The following TRDN variants were observed in gnomAD, a reference collection of about 807,000 sequenced individuals.
The protein encoded by TRDN is triadin in skeletal muscle.
In TRDN, 161 loss-of-function variants were observed where a neutral mutation model predicts 149.7. The observed-to-expected ratio is 1.08, with a 90% CI of 0.95 to 1.23. The LOEUF is 1.23. TRDN is among the 50% of genes most tolerant of loss of function. TRDN has a pLI of 0.00. For synonymous variants in TRDN, 294 were observed against 250.5 expected (o/e 1.17, Z -1.64); for missense variants, 896 against 823.5 (o/e 1.09, Z -1.08).
intron 7 of TRDN, among the ~76,000 whole-genome samples, chr6:123,505,087 T>C (rs1778858115): frequency 6.6e-6 from 1 of 151,404 alleles, no homozygotes; most frequent in South Asian, 2.1e-4. Context: ...CTACTAAAAA[T>C]GCAAAAATTA....
chr6:123,598,312 G>T (rs1031125216), intron 1 of TRDN, among the ~76,000 whole-genome samples: 2 of 151,998 alleles, frequency 1.3e-5, no homozygotes, highest in Non-Finnish European at 2.9e-5. Flanking sequence ...CAATAGACAC[G>T]CTATCGTGAG....
intron 5 of TRDN, among the ~76,000 whole-genome samples, chr6:123,523,640 G>A (rs1184613077): frequency 6.6e-6 from 1 of 152,148 alleles, no homozygotes; most frequent in Non-Finnish European, 1.5e-5. Context: ...ATAGCAGTTG[G>A]AGAAGAGAGA....
intron 20 of TRDN, among the ~76,000 whole-genome samples, chr6:123,358,358 T>A (rs560780958): frequency 2.6e-5 from 4 of 152,270 alleles, no homozygotes; most frequent in Admixed American, 6.5e-5. Flanking sequence ...TATTCTTCCC[T>A]ACAATTTTCC....
chr6:123,595,927 AC>A (rs1370704773), intron 1 of TRDN, among the ~76,000 whole-genome samples: 5 of 152,016 alleles, frequency 3.3e-5, no homozygotes, highest in African/African-American at 4.8e-5. Flanking sequence ...CCAGTTAATA[AC>A]CCTACAATGG....
At chr6:123,436,206 C>T (rs1020963083) in intron 12 of TRDN, among the ~76,000 whole-genome samples, 1 of 152,134 alleles carries the variant, frequency 6.6e-6, no homozygotes, top group Non-Finnish European at 1.5e-5. Context: ...TTTCACAAAT[C>T]CACTGCTCTA....
chr6:123,602,061 G>C (rs1036146375), intron 1 of TRDN, among the ~76,000 whole-genome samples: 2 of 152,018 alleles, frequency 1.3e-5, no homozygotes, highest in Admixed American at 1.3e-4. Context: ...TATATGTCAG[G>C]CACCATTCTA....
chr6:123,585,564 T>G lies in TRDN; in HGVS notation c.23-14432A>C, dbSNP rs568574935. Among the ~76,000 whole-genome samples, 4 of 152,292 alleles carry G rather than the reference T, an allele frequency of 2.6e-5. No homozygotes were observed. In the South Asian group the frequency reaches 8.3e-4, roughly 32 times the overall value. On this transcript the variant is annotated intron_variant, in intron 1 of 40. Coordinates refer to ENST00000334268, the MANE Select transcript of TRDN (RefSeq NM_006073.4). ...TTGGGCAGCGTCAGTCTTCAGCCGCTAAGCCAAGAAGATCTGGGAAGGAGT... is the reference window on the plus strand; with the variant it reads ...TTGGGCAGCGTCAGTCTTCAGCCGCGAAGCCAAGAAGATCTGGGAAGGAGT...
intron 20 of TRDN, among the ~76,000 whole-genome samples, chr6:123,361,208 A>T (rs926629630): frequency 4.6e-5 from 7 of 152,304 alleles, no homozygotes; most frequent in African/African-American, 1.7e-4. Context: ...AGCCATAAAA[A>T]AACGATGAGT....
chr6:123,310,340 C>T (rs9388213), intron 24 of TRDN, among the ~76,000 whole-genome samples: 51,006 of 151,728 alleles, frequency 0.34, 9,331 homozygotes, highest in East Asian at 0.74. Context: ...GCTGTGGTTG[C>T]CCACCATTTC....
At chr6:123,491,606 G>A (rs1778221251) in intron 9 of TRDN, among the ~76,000 whole-genome samples, 1 of 152,066 alleles carries the variant, frequency 6.6e-6, no homozygotes. Flanking sequence ...GGTATACTGA[G>A]ATTAGAATGT....
At chr6:123,437,990 T>C (rs1774666720) in intron 12 of TRDN, 73 bp downstream of exon 12, 1 of 1,292,324 alleles carries the variant, frequency 7.7e-7, no homozygotes, top group Non-Finnish European at 1.1e-6. Flanking sequence ...TTTGTGTATG[T>C]TGCATGAGGA....
chr6:123,570,583 A>T (rs1782520293), intron 2 of TRDN, among the ~76,000 whole-genome samples: 2 of 152,282 alleles, frequency 1.3e-5, no homozygotes, highest in South Asian at 4.1e-4. Flanking sequence ...AAACCTACAA[A>T]TTATTCCTTA....
intron 1 of TRDN, among the ~76,000 whole-genome samples, chr6:123,605,597 CAA>C (rs35881822): frequency 4.7e-4 from 58 of 123,944 alleles, no homozygotes; most frequent in Non-Finnish European, 6.6e-4. Flanking sequence ...ACCCTCTCTA[CAA>C]AAAAAAAAAA....
intron 12 of TRDN, among the ~76,000 whole-genome samples, chr6:123,395,077 C>T (rs895608364): frequency 6.6e-6 from 1 of 151,756 alleles, no homozygotes; most frequent in African/African-American, 2.4e-5. Context: ...TTGGAGATCT[C>T]AAAATATTAG....
At chr6:123,585,366 C>G (rs1783411394) in intron 1 of TRDN, among the ~76,000 whole-genome samples, 1 of 151,896 alleles carries the variant, frequency 6.6e-6, no homozygotes, top group Non-Finnish European at 1.5e-5. Flanking sequence ...GTTTAGAAGC[C>G]TGGCCATCAA....
Position 123,224,088 on chromosome 6 carries a change from C to T in TRDN, c.2014+5G>A, listed in dbSNP as rs765170284. ...TTGTAAATGATCCAAAGACAGCAAA[C>T]TCACCTTTAGCTTTCTTTGAAGCTG... On this transcript the variant is annotated splice_donor_5th_base_variant and intron_variant, in intron 39 of 40. Coordinates refer to ENST00000334268, the MANE Select transcript of TRDN (RefSeq NM_006073.4). The T allele has an allele frequency of 1.2e-6, 2 of 1,608,398 alleles. No homozygotes were observed. The highest frequency in any genetic ancestry group is 3.4e-5 in the Admixed American group (2 of 59,680).
chr6:123,468,693 T>C (rs921338446), intron 9 of TRDN: 6 of 152,216 alleles, frequency 3.9e-5, no homozygotes, highest in Non-Finnish European at 7.4e-5. Flanking sequence ...ATCTAGTTTC[T>C]TTATGAACGA....
intron 10 of TRDN, chr6:123,457,518 C>A: frequency 2.3e-6 from 1 of 427,256 alleles, no homozygotes. Flanking sequence ...ATATTTATAG[C>A]TCATAATTCA....
chr6:123,512,091 T>C (rs1015889643), intron 7 of TRDN, among the ~76,000 whole-genome samples: 1 of 151,876 alleles, frequency 6.6e-6, no homozygotes, highest in African/African-American at 2.4e-5. Flanking sequence ...CCACATATGA[T>C]GGAGCTCTTC....
Sources: allele counts gnomAD v4.1 joint callset (sites outside exome capture counted in the v4.1 genomes callset), GRCh38; gene constraint gnomAD v4.1.1; transcripts MANE v1.5; gene names NCBI Gene and HGNC (gene_info 2026-07-23, HGNC 2026-07-21).